The following B3GALT1 variants were observed in gnomAD, a reference collection of about 807,000 sequenced individuals.
The protein encoded by B3GALT1 is beta-1,3-galactosyltransferase 1, also known as UDP-Gal:betaGlcNAc beta 1,3-galactosyltransferase, polypeptide 1.
B3GALT1 carries 10 observed loss-of-function variants against 23.2 expected under a neutral mutation model. That is an observed-to-expected ratio of 0.43 (90% CI 0.27 to 0.73). The LOEUF is 0.73. Among genes scored for constraint, B3GALT1 ranks in the 30% least tolerant of loss-of-function variants. The pLI is 0.21. For missense variants in B3GALT1, 299 were observed against 405.4 expected (o/e 0.74, Z 2.25); for synonymous variants, 156 against 141.5 (o/e 1.10, Z -0.73).
intron 3 of B3GALT1, among the ~76,000 whole-genome samples, chr2:167,663,473 C>T (rs886783492): frequency 6.6e-6 from 1 of 152,120 alleles, no homozygotes; most frequent in Admixed American, 6.6e-5. Flanking sequence ...TGGGTATATG[C>T]CCAGTAATGG....
intron 1 of B3GALT1, among the ~76,000 whole-genome samples, chr2:167,489,114 C>T (rs1044689832): frequency 3.3e-5 from 5 of 152,030 alleles, no homozygotes; most frequent in African/African-American, 4.8e-5. Flanking sequence ...ATCAAACTAA[C>T]GTCATTGTAC....
At chr2:167,864,967 T>TA (rs113084400) in intron 4 of B3GALT1, among the ~76,000 whole-genome samples, 2,986 of 146,458 alleles carry the variant, frequency 0.02, 49 homozygotes, top group Middle Eastern at 0.025. Context: ...ATTCTTCTGT[T>TA]AAAAAAAAAA....
intron 2 of B3GALT1, among the ~76,000 whole-genome samples, chr2:167,568,939 G>A (rs76748472): frequency 0.027 from 4,065 of 151,942 alleles, 174 homozygotes; most frequent in African/African-American, 0.09. Context: ...TGTTTTGCAC[G>A]TGGATGTGCA....
chr2:167,732,022 G>C (rs1201028398), intron 3 of B3GALT1, among the ~76,000 whole-genome samples: 2 of 152,118 alleles, frequency 1.3e-5, no homozygotes, highest in East Asian at 3.8e-4. Context: ...TGGAAGGGCA[G>C]TTTTTTATAC....
At chr2:167,721,829 A>T (rs1687241253) in intron 3 of B3GALT1, among the ~76,000 whole-genome samples, 1 of 152,172 alleles carries the variant, frequency 6.6e-6, no homozygotes, top group African/African-American at 2.4e-5. Flanking sequence ...CCTGTAGGCA[A>T]ATGAAATTCC....
chr2:167,449,671 A>G (rs562047606), intron 1 of B3GALT1, among the ~76,000 whole-genome samples: 2 of 152,208 alleles, frequency 1.3e-5, no homozygotes, highest in East Asian at 3.9e-4. Flanking sequence ...GTCTAGTTCC[A>G]GTTCTCAAGG....
chr2:167,665,357 T>C (rs867268961), intron 3 of B3GALT1, among the ~76,000 whole-genome samples: 2,063 of 113,438 alleles, frequency 0.018, 1 homozygote, highest in African/African-American at 0.042. Flanking sequence ...CTGCTGGATT[T>C]CGTTTGCCAG....
chr2:167,547,855 G>T (rs1193888328), intron 2 of B3GALT1, among the ~76,000 whole-genome samples: 2 of 152,114 alleles, frequency 1.3e-5, no homozygotes, highest in African/African-American at 2.4e-5. Context: ...GCATGCAGAG[G>T]CTCATGAAAC....
intron 2 of B3GALT1, among the ~76,000 whole-genome samples, chr2:167,550,080 C>A (rs1173680976): frequency 6.6e-6 from 1 of 152,154 alleles, no homozygotes; most frequent in Non-Finnish European, 1.5e-5. Context: ...CTTAGCTTAT[C>A]ACTAACTCTA....
intron 1 of B3GALT1, among the ~76,000 whole-genome samples, chr2:167,356,145 C>A (rs1697399729): frequency 6.6e-6 from 1 of 152,208 alleles, no homozygotes; most frequent in Non-Finnish European, 1.5e-5. Context: ...CCCCTGCTCA[C>A]TGCAGGAACT....
chr2:167,341,816 C>CT (rs1393380269), intron 1 of B3GALT1, among the ~76,000 whole-genome samples: 1 of 152,156 alleles, frequency 6.6e-6, no homozygotes, highest in Non-Finnish European at 1.5e-5. Context: ...CTTGGTATGA[C>CT]TTTTGTAATC....
At chr2:167,355,417 A>G (rs1270999314) in intron 1 of B3GALT1, among the ~76,000 whole-genome samples, 1 of 152,206 alleles carries the variant, frequency 6.6e-6, no homozygotes, top group Non-Finnish European at 1.5e-5. Context: ...GGTGATCCCA[A>G]CTTATACAGT....
chr2:167,467,346 T>C (rs1434301737), intron 1 of B3GALT1, among the ~76,000 whole-genome samples: 1 of 152,166 alleles, frequency 6.6e-6, no homozygotes, highest in Non-Finnish European at 1.5e-5. Flanking sequence ...GCATTATTTT[T>C]AACTCAAAAA....
chr2:167,446,723 A>C (rs551108472), intron 1 of B3GALT1, among the ~76,000 whole-genome samples: 2 of 152,270 alleles, frequency 1.3e-5, no homozygotes, highest in East Asian at 3.9e-4. Context: ...CAGGTCATTT[A>C]AGGACTTCTC....
intron 3 of B3GALT1, among the ~76,000 whole-genome samples, chr2:167,745,545 C>G (rs1204666580): frequency 6.6e-6 from 1 of 152,088 alleles, no homozygotes; most frequent in Non-Finnish European, 1.5e-5. Context: ...TATCCTCATT[C>G]TTAAAAGATG....
At chr2:167,431,975 A>G (rs948436805) in intron 1 of B3GALT1, among the ~76,000 whole-genome samples, 3 of 152,220 alleles carry the variant, frequency 2.0e-5, no homozygotes, top group African/African-American at 4.8e-5. Context: ...GAGCTGGAGC[A>G]TGAACAAAGA....
At chr2:167,395,565 G>A (rs1698080545) in intron 1 of B3GALT1, among the ~76,000 whole-genome samples, 1 of 152,006 alleles carries the variant, frequency 6.6e-6, no homozygotes, top group Admixed American at 6.6e-5. Flanking sequence ...CAAAGAAACC[G>A]ATTTCAGACA....
intron 3 of B3GALT1, among the ~76,000 whole-genome samples, chr2:167,814,109 AAATCATTTCAGT>A (rs1688944009): frequency 6.6e-6 from 1 of 152,222 alleles, no homozygotes; most frequent in African/African-American, 2.4e-5. Context: ...CATTTAAACA[AAATCATTTCAGT>A]AATCATTTCA....
chr2:167,522,261 A>AT (rs1159281265), intron 2 of B3GALT1, among the ~76,000 whole-genome samples: 1 of 151,816 alleles, frequency 6.6e-6, no homozygotes, highest in Non-Finnish European at 1.5e-5. Context: ...TTCTGTTAGG[A>AT]TTTTTTGAGA....
Sources: allele counts gnomAD v4.1 joint callset (sites outside exome capture counted in the v4.1 genomes callset), GRCh38; gene constraint gnomAD v4.1.1; transcripts MANE v1.5; gene names NCBI Gene and HGNC (gene_info 2026-07-23, HGNC 2026-07-21).